The following PRKCH variants were observed in gnomAD, a reference collection of about 807,000 sequenced individuals.
PRKCH encodes the protein protein kinase C eta.
In PRKCH, 28 loss-of-function variants were observed where a neutral mutation model predicts 82.5. The observed-to-expected ratio is 0.34, with a 90% CI of 0.25 to 0.47. The LOEUF is 0.47. Among genes scored for constraint, PRKCH ranks in the 20% least tolerant of loss-of-function variants. The pLI is 1.00. For synonymous variants in PRKCH, 322 were observed against 327.4 expected (o/e 0.98, Z 0.18); for missense variants, 705 against 881.8 (o/e 0.80, Z 2.54).
upstream of PRKCH, among the ~76,000 whole-genome samples, chr14:61,320,602 A>AAAC (rs55918746): frequency 9.2e-3 from 1,393 of 151,512 alleles, 46 homozygotes; most frequent in East Asian, 0.094. Flanking sequence ...TCCGTCTCAA[A>AAAC]AACAACAACA....
intron 9 of PRKCH, among the ~76,000 whole-genome samples, chr14:61,484,764 C>CGT (rs1555392076): frequency 8.3e-6 from 1 of 121,206 alleles, no homozygotes; most frequent in African/African-American, 3.2e-5. Flanking sequence ...ATTTGGCTTC[C>CGT]TTTTTTTTTT....
intron 1 of PRKCH, among the ~76,000 whole-genome samples, chr14:61,202,377 G>A (rs1217661097): frequency 6.6e-5 from 10 of 152,208 alleles, no homozygotes; most frequent in Non-Finnish European, 1.5e-4. Context: ...AAAGCCTCAA[G>A]GTTTCGCCTT....
At chr14:61,483,845 G>A (rs141570986) in intron 9 of PRKCH, among the ~76,000 whole-genome samples, 42 of 152,256 alleles carry the variant, frequency 2.8e-4, no homozygotes, top group African/African-American at 9.6e-4. Flanking sequence ...CTCAGGACTC[G>A]AGACCAGCCT....
intron 1 of PRKCH, among the ~76,000 whole-genome samples, chr14:61,340,553 G>T (rs984563592): frequency 6.6e-6 from 1 of 152,238 alleles, no homozygotes; most frequent in South Asian, 2.1e-4. Context: ...TGGAACTGGG[G>T]CAGGCTTAGG....
intron 1 of PRKCH, among the ~76,000 whole-genome samples, chr14:61,239,402 C>T (rs1215123157): frequency 6.6e-6 from 1 of 152,124 alleles, no homozygotes; most frequent in East Asian, 1.9e-4. Context: ...CCTAAAATGG[C>T]GTCAGCACCA....
At chr14:61,471,671 T>TAA (rs558982417) in intron 9 of PRKCH, among the ~76,000 whole-genome samples, 2 of 150,070 alleles carry the variant, frequency 1.3e-5, no homozygotes, top group African/African-American at 2.4e-5. Context: ...CCTTTACAAT[T>TAA]AAAAAAAAAA....
intron 1 of PRKCH, among the ~76,000 whole-genome samples, chr14:61,338,733 C>T (rs1311509437): frequency 6.6e-6 from 1 of 152,114 alleles, no homozygotes; most frequent in African/African-American, 2.4e-5. Flanking sequence ...CTTAAACTGT[C>T]CTTTTCTGGC....
intron 1 of PRKCH, among the ~76,000 whole-genome samples, chr14:61,256,515 T>C (rs766193282): frequency 6.6e-6 from 1 of 152,210 alleles, no homozygotes; most frequent in African/African-American, 2.4e-5. Context: ...TTTTTGATCC[T>C]GAAAAATTAA....
In PRKCH at chr14:61,315,772, C is replaced by A. The variant is rs1268822196; in HGVS notation, c.-19+128104C>A. Among the ~76,000 whole-genome samples, 4 of 123,868 alleles carry A rather than the reference C, an allele frequency of 3.2e-5. No homozygotes were observed. In the South Asian group the frequency reaches 7.6e-4, roughly 24 times the overall value. 81.3% of individuals were successfully genotyped at this position (123,868 alleles called of 152,430 possible). On this transcript the variant is annotated intron_variant, in intron 1 of 3. Coordinates refer to the PRKCH transcript ENST00000555185. ...TACTGGATTTTTTTTTTTTTTGAGACGGAGTCGCTCTGTCACCCAGGCTGG... is the reference window on the plus strand; with the variant it reads ...TACTGGATTTTTTTTTTTTTTGAGAAGGAGTCGCTCTGTCACCCAGGCTGG...
intron 1 of PRKCH, among the ~76,000 whole-genome samples, chr14:61,302,688 G>T (rs577388436): frequency 6.6e-5 from 10 of 152,172 alleles, no homozygotes; most frequent in African/African-American, 2.4e-4. Context: ...GGAGTTTTAA[G>T]ATATCTTATT....
intron 1 of PRKCH, among the ~76,000 whole-genome samples, chr14:61,368,303 A>T: frequency 6.8e-6 from 1 of 148,140 alleles, no homozygotes; most frequent in African/African-American, 2.5e-5. Flanking sequence ...GTACTTCCTC[A>T]CTATCCCTAG....
chr14:61,486,426 A>G (rs896640699), intron 10 of PRKCH, among the ~76,000 whole-genome samples: 3 of 152,164 alleles, frequency 2.0e-5, no homozygotes, highest in Non-Finnish European at 4.4e-5. Flanking sequence ...TGTGACACAC[A>G]ATCTTTTGAT....
intron 1 of PRKCH, among the ~76,000 whole-genome samples, chr14:61,345,887 T>TA (rs1487638981): frequency 6.7e-6 from 1 of 149,108 alleles, no homozygotes; most frequent in South Asian, 2.1e-4. Flanking sequence ...TTTTTTTTTT[T>TA]AAAGTTGTGG....
At chr14:61,270,897 C>G (rs2045146400) in intron 1 of PRKCH, among the ~76,000 whole-genome samples, 1 of 152,106 alleles carries the variant, frequency 6.6e-6, no homozygotes, top group Non-Finnish European at 1.5e-5. Context: ...TCACTTGGGC[C>G]CAGGAGGTCA....
At chr14:61,539,925 A>G (rs1485950120) in intron 12 of PRKCH, among the ~76,000 whole-genome samples, 1 of 152,208 alleles carries the variant, frequency 6.6e-6, no homozygotes, top group Admixed American at 6.5e-5. Flanking sequence ...TTACAACCAC[A>G]TTACGTGTTT....
At chr14:61,521,889 C>T (rs2042912207) in intron 10 of PRKCH, among the ~76,000 whole-genome samples, 1 of 152,148 alleles carries the variant, frequency 6.6e-6, no homozygotes, top group Admixed American at 6.5e-5. Flanking sequence ...AGATCTTGGC[C>T]TCAGGAGATC....
chr14:61,305,462 C>T (rs1401370287), intron 1 of PRKCH: 2 of 152,020 alleles, frequency 1.3e-5, no homozygotes, highest in South Asian at 2.1e-4. Context: ...CCATGCTTAG[C>T]CTTAGGACTC....
At chr14:61,190,713 G>A (rs1438219284) in intron 1 of PRKCH, among the ~76,000 whole-genome samples, 1 of 152,034 alleles carries the variant, frequency 6.6e-6, no homozygotes, top group African/African-American at 2.4e-5. Flanking sequence ...TCTCTTGAAG[G>A]CAGGACGCTC....
chr14:61,449,854 ATG>A (rs1884401275), intron 5 of PRKCH, among the ~76,000 whole-genome samples: 2 of 94,968 alleles, frequency 2.1e-5, no homozygotes, highest in Admixed American at 1.3e-4. Context: ...TTCAGGGAAG[ATG>A]TCTCTCTCTC....
Sources: gnomAD v4.1 joint callset for allele counts (sites outside exome capture counted in the v4.1 genomes callset) on GRCh38, gnomAD v4.1.1 for gene constraint, MANE v1.5 for transcripts, NCBI Gene and HGNC (gene_info 2026-07-23, HGNC 2026-07-21) for gene names.